TMEM117: variants seen among roughly 807,000 people sequenced by gnomAD.
TMEM117 encodes the protein transmembrane protein 117.
Under a neutral mutation model 52.4 loss-of-function variants are expected in TMEM117, and 27 were observed. The ratio of observed to expected loss-of-function variants is 0.51; its 90% CI spans 0.38 to 0.71. TMEM117 has a LOEUF of 0.71. Among genes scored for constraint, TMEM117 ranks in the 30% least tolerant of loss-of-function variants. The probability of loss-of-function intolerance (pLI) is 0.00; values close to 1 mark genes in which losing one functional copy is unlikely to be tolerated. For missense variants in TMEM117, 556 were observed against 630.5 expected, an observed-to-expected ratio of 0.88 and a Z score of 1.26; for synonymous variants, 215 against 206.3, an observed-to-expected ratio of 1.04 and a Z score of -0.36.
At chr12:44,053,322 A>G (rs1028242644) in intron 3 of TMEM117, among the ~76,000 whole-genome samples, 9 of 152,204 alleles carry the variant, frequency 5.9e-5, no homozygotes, top group African/African-American at 1.9e-4. Context: ...TTTATTATAA[A>G]GGTTACAAAT....
the TMEM117 span, among the ~76,000 whole-genome samples, chr12:43,805,035 G>C: frequency 6.6e-6 from 1 of 152,138 alleles, no homozygotes; most frequent in African/African-American, 2.4e-5. Flanking sequence ...CTTGTTTAAA[G>C]AAAAAGACAA....
At chr12:44,335,727 A>G (rs1005528669) in intron 6 of TMEM117, among the ~76,000 whole-genome samples, 4 of 152,056 alleles carry the variant, frequency 2.6e-5, no homozygotes, top group Admixed American at 6.6e-5. Flanking sequence ...TTAAAAATAT[A>G]TACCTGTTTG....
At position 44,084,600 on chromosome 12, in the gene TMEM117, A is replaced by G. The variant is rs200631579; in HGVS notation, c.411-58925A>G. Among the ~76,000 whole-genome samples, 4 of 152,284 alleles carry G rather than the reference A, an allele frequency of 2.6e-5. No homozygotes were observed. The East Asian group carries it at 7.7e-4, about 29-fold the overall frequency. On this transcript the variant is annotated intron_variant, in intron 3 of 7. Coordinates refer to ENST00000266534, the MANE Select transcript of TMEM117 (RefSeq NM_032256.3). ...CCTCATCTGTATCAGAAAAGGTCAC[A>G]ATCTGGGGATAATTATTCACTTCAC...
chr12:44,118,708 T>C (rs1948186664), intron 3 of TMEM117, among the ~76,000 whole-genome samples: 2 of 152,230 alleles, frequency 1.3e-5, no homozygotes, highest in Admixed American at 6.5e-5. Flanking sequence ...TCTTATTTTA[T>C]TAAAATCAAT....
intron 3 of TMEM117, among the ~76,000 whole-genome samples, chr12:43,946,702 G>A (rs1356648904): frequency 6.6e-6 from 1 of 152,144 alleles, no homozygotes. Flanking sequence ...ACACAGGTCC[G>A]ATTGATGGTT....
intron 2 of TMEM117, among the ~76,000 whole-genome samples, chr12:43,867,236 T>C (rs1943617685): frequency 6.6e-6 from 1 of 152,274 alleles, no homozygotes; most frequent in African/African-American, 2.4e-5. Flanking sequence ...GCAAGATTCT[T>C]GTATTTTATA....
At chr12:43,930,550 T>G (rs2137578866) in intron 2 of TMEM117, among the ~76,000 whole-genome samples, 1 of 152,328 alleles carries the variant, frequency 6.6e-6, no homozygotes, top group East Asian at 1.9e-4. Context: ...GTGCATTTTC[T>G]TTCCTTAGTG....
intron 5 of TMEM117, among the ~76,000 whole-genome samples, chr12:44,246,029 T>G (rs1950125257): frequency 6.6e-6 from 1 of 152,160 alleles, no homozygotes; most frequent in African/African-American, 2.4e-5. Context: ...AGAATTTTAA[T>G]TTGATCAGCA....
chr12:43,927,390 A>G (rs1397787067), intron 2 of TMEM117, among the ~76,000 whole-genome samples: 2 of 151,558 alleles, frequency 1.3e-5, no homozygotes, highest in Non-Finnish European at 2.9e-5. Flanking sequence ...AGTCCATTAA[A>G]TCAAGTTTTA....
At chr12:44,257,377 C>T (rs1438819359) in intron 5 of TMEM117, among the ~76,000 whole-genome samples, 1 of 152,018 alleles carries the variant, frequency 6.6e-6, no homozygotes, top group Non-Finnish European at 1.5e-5. Context: ...CTTTACCATT[C>T]TGTTTTGGGA....
At chr12:44,285,802 T>G (rs1950631418) in intron 5 of TMEM117, among the ~76,000 whole-genome samples, 2 of 152,238 alleles carry the variant, frequency 1.3e-5, no homozygotes, top group African/African-American at 4.8e-5. Context: ...GACTTCAGTG[T>G]GCTGGTACTT....
At chr12:44,290,582 T>C (rs1316473403) in intron 5 of TMEM117, among the ~76,000 whole-genome samples, 2 of 152,206 alleles carry the variant, frequency 1.3e-5, no homozygotes, top group African/African-American at 4.8e-5. Flanking sequence ...ACTGTTTTGA[T>C]TACTGTAGCT....
rs1037451684 is a variant in TMEM117 at position 44,093,168 on chromosome 12, A to AT, written c.411-50349dup. Among the ~76,000 whole-genome samples the AT allele has an allele frequency of 4.6e-4, 70 of 151,944 alleles. No homozygotes were observed. In the East Asian group the frequency reaches 0.012, roughly 27 times the overall value. ...TTGGAGTTATATTAGGCTAAATCCT[A>AT]TTTTTTTTCAGTGTCTGGTCAAGGG... On this transcript the variant is annotated intron_variant, in intron 3 of 7. Coordinates refer to ENST00000266534, the MANE Select transcript of TMEM117 (RefSeq NM_032256.3).
At chr12:44,195,542 C>G (rs1949407341) in intron 4 of TMEM117, among the ~76,000 whole-genome samples, 1 of 152,050 alleles carries the variant, frequency 6.6e-6, no homozygotes. Flanking sequence ...ATATACTGTT[C>G]TCAGAGTCAT....
chr12:44,187,466 G>T (rs1005311511), intron 4 of TMEM117, among the ~76,000 whole-genome samples: 1 of 152,056 alleles, frequency 6.6e-6, no homozygotes, highest in Non-Finnish European at 1.5e-5. Context: ...TCAAATGTTT[G>T]AAAGTCCCTG....
intron 2 of TMEM117, among the ~76,000 whole-genome samples, chr12:43,885,041 T>C (rs908096263): frequency 1.3e-5 from 2 of 152,228 alleles, no homozygotes; most frequent in South Asian, 2.1e-4. Context: ...TACTAATGTC[T>C]TGGTAAATTA....
intron 3 of TMEM117, among the ~76,000 whole-genome samples, chr12:44,078,863 C>T (rs922208609): frequency 4.9e-5 from 5 of 102,150 alleles, no homozygotes; most frequent in Admixed American, 1.1e-4. Flanking sequence ...TCCCCTAGCA[C>T]CCCCCCACCC....
At chr12:44,080,860 A>G (rs1947470791) in intron 3 of TMEM117, among the ~76,000 whole-genome samples, 1 of 152,204 alleles carries the variant, frequency 6.6e-6, no homozygotes, top group Non-Finnish European at 1.5e-5. Flanking sequence ...CCATGGCAGA[A>G]TAGAGTTGTA....
chr12:43,845,375 C>T (rs896574880), intron 2 of TMEM117, among the ~76,000 whole-genome samples: 10 of 146,746 alleles, frequency 6.8e-5, no homozygotes, highest in African/African-American at 2.3e-4. Flanking sequence ...GTGGGAGAAT[C>T]GCTTGAACCT....
Sources: gnomAD v4.1 joint callset for allele counts (sites outside exome capture counted in the v4.1 genomes callset) on GRCh38, gnomAD v4.1.1 for gene constraint, MANE v1.5 for transcripts, NCBI Gene and HGNC (gene_info 2026-07-23, HGNC 2026-07-21) for gene names.